The following MACROH2A1 variants were observed in gnomAD, a reference collection of about 807,000 sequenced individuals.
The protein encoded by MACROH2A1 is core histone macro-H2A.1.
In MACROH2A1, 2 loss-of-function variants were observed where a neutral mutation model predicts 31.6. The ratio of observed to expected loss-of-function variants is 0.06; its 90% CI spans 0.03 to 0.20. The LOEUF is 0.20. MACROH2A1 is among the 10% of genes least tolerant of loss of function. MACROH2A1 has a pLI of 1.00. For missense variants in MACROH2A1, 230 were observed against 474.0 expected, an observed-to-expected ratio of 0.49 and a Z score of 4.78; for synonymous variants, 169 against 189.6, an observed-to-expected ratio of 0.89 and a Z score of 0.89.
At chr5:135,390,626 T>A (rs888578599) in intron 1 of MACROH2A1, among the ~76,000 whole-genome samples, 1 of 152,170 alleles carries the variant, frequency 6.6e-6, no homozygotes, top group Admixed American at 6.6e-5. Context: ...ACTGGGCAGG[T>A]CTCCCATGTA....
chr5:135,351,064 T>C, intron 6 of MACROH2A1: 1 of 571,150 alleles, frequency 1.8e-6, no homozygotes. Context: ...TGTGCGCACA[T>C]GTGGATGGGG....
intron 2 of MACROH2A1, among the ~76,000 whole-genome samples, chr5:135,388,591 G>T (rs1175461157): frequency 6.6e-6 from 1 of 152,120 alleles, no homozygotes; most frequent in Non-Finnish European, 1.5e-5. Context: ...AATGGATCCT[G>T]GATTAGGAAA....
chr5:135,390,596 C>A (rs1039898131), intron 1 of MACROH2A1, among the ~76,000 whole-genome samples: 5 of 152,186 alleles, frequency 3.3e-5, no homozygotes, highest in Non-Finnish European at 4.4e-5. Context: ...TCCCTATGAA[C>A]ATGTTTGCTC....
Position 135,343,551 on chromosome 5 carries a change from T to C in MACROH2A1, c.779-117A>G, listed in dbSNP as rs998078453. 25 of 1,473,258 alleles carry C rather than the reference T, an allele frequency of 1.7e-5. No homozygotes were observed. In the African/African-American group the frequency reaches 3.2e-4, roughly 19 times the overall value. 91.3% of individuals were successfully genotyped at this position (1,473,258 alleles called of 1,614,324 possible). ...TATCTTCCTGGGCCCTCCAATGCCC[T>C]GTGTCCGAGGAGTTCCACAGCTGTC... On this transcript the variant is annotated intron_variant, in intron 7 of 8. Coordinates refer to ENST00000511689, the MANE Select transcript of MACROH2A1 (RefSeq NM_138610.3).
intron 7 of MACROH2A1, chr5:135,345,392 G>A (rs1373087957): frequency 6.6e-6 from 1 of 152,360 alleles, no homozygotes; most frequent in African/African-American, 2.4e-5. Context: ...CCTCCCCACT[G>A]ACTGGACTCT....
intron 5 of MACROH2A1, chr5:135,355,334 G>A: frequency 2.2e-6 from 1 of 448,388 alleles, no homozygotes; most frequent in South Asian, 1.6e-5. Context: ...TGGAAGTGCA[G>A]ACTACAGTAC....
intron 8 of MACROH2A1, among the ~76,000 whole-genome samples, chr5:135,339,366 C>A (rs900209128): frequency 6.6e-6 from 1 of 152,170 alleles, no homozygotes; most frequent in African/African-American, 2.4e-5. Context: ...CACATCCCAG[C>A]TCTTCTCAGC....
intron 8 of MACROH2A1, among the ~76,000 whole-genome samples, chr5:135,337,401 G>A (rs1202304456): frequency 6.6e-6 from 1 of 152,246 alleles, no homozygotes; most frequent in Non-Finnish European, 1.5e-5. Context: ...GAGGTCCCAA[G>A]GGGTCTCCCT....
chr5:135,371,097 T>A lies in MACROH2A1; in HGVS notation c.173-955A>T, dbSNP rs565791393. Among the ~76,000 whole-genome samples the A allele has an allele frequency of 2.9e-3, 449 of 152,344 alleles. 3 individuals are homozygous for A. The highest frequency in any genetic ancestry group is 0.01 in the Admixed American group (159 of 15,302). ...TTCCTCTTTCAAGGAAATTCTGTCA[T>A]TTGCAACAACATGGATAAACCTGGA... On this transcript the variant is annotated intron_variant, in intron 2 of 8. Transcript: ENST00000511689.
At chr5:135,350,855 G>T in intron 6 of MACROH2A1, 6 of 1,613,214 alleles carry the variant, frequency 3.7e-6, no homozygotes, top group Non-Finnish European at 5.1e-6. Context: ...GTCAGTGTTT[G>T]TCGGGTGAAC....
Position 135,334,945 on chromosome 5 carries a change from C to T in MACROH2A1, c.*31G>A, listed in dbSNP as rs760382993. ...TTTCTTTTAAACTGAAGGTGGGGTA[C>T]ATGGTGCAGCTGGTTCTGTCATTGC... On this transcript the variant is annotated 3_prime_UTR_variant, in exon 9 of 9. Coordinates refer to ENST00000511689, the MANE Select transcript of MACROH2A1 (RefSeq NM_138610.3). The T allele has an allele frequency of 6.3e-7, 1 of 1,583,644 alleles. No homozygotes were observed. The highest frequency in any genetic ancestry group is 8.6e-7 in the Non-Finnish European group (1 of 1,156,702).
intron 8 of MACROH2A1, among the ~76,000 whole-genome samples, chr5:135,341,420 C>A (rs2149722346): frequency 6.6e-6 from 1 of 152,316 alleles, no homozygotes; most frequent in African/African-American, 2.4e-5. Context: ...GCTGTTTTGC[C>A]CTTGACTGGG....
chr5:135,367,797 T>A (rs912420451), intron 4 of MACROH2A1, among the ~76,000 whole-genome samples: 1 of 152,254 alleles, frequency 6.6e-6, no homozygotes, highest in Non-Finnish European at 1.5e-5. Flanking sequence ...AATCAAAAGA[T>A]GATAGATTCA....
At chr5:135,335,632 A>AAC (rs199931406) in intron 8 of MACROH2A1, among the ~76,000 whole-genome samples, 1 of 152,108 alleles carries the variant, frequency 6.6e-6, no homozygotes, top group African/African-American at 2.4e-5. Context: ...TCCACCCTCT[A>AAC]ACACACACCA....
intron 8 of MACROH2A1, among the ~76,000 whole-genome samples, chr5:135,340,795 C>A (rs1581128244): frequency 6.6e-6 from 1 of 152,246 alleles, no homozygotes; most frequent in South Asian, 2.1e-4. Flanking sequence ...GATTTACTGG[C>A]CGGCTCTGGT....
intron 1 of MACROH2A1, among the ~76,000 whole-genome samples, chr5:135,394,308 G>A (rs1767661348): frequency 6.6e-6 from 1 of 152,128 alleles, no homozygotes; most frequent in Non-Finnish European, 1.5e-5. Flanking sequence ...TACCTTCCCT[G>A]GCAATGATCC....
chr5:135,364,985 T>G (rs937753095), intron 4 of MACROH2A1, among the ~76,000 whole-genome samples: 2 of 151,936 alleles, frequency 1.3e-5, no homozygotes, highest in African/African-American at 2.4e-5. Context: ...GGGGATAGGG[T>G]GAGGTTTGTT....
chr5:135,383,700 GGTGTGT>G (rs61338247), intron 2 of MACROH2A1, among the ~76,000 whole-genome samples: 3,749 of 137,190 alleles, frequency 0.027, 63 homozygotes, highest in Middle Eastern at 0.051. Flanking sequence ...GATGTGGTGT[GGTGTGT>G]GTGTGTGTGT....
chr5:135,339,067 T>C (rs1759318802), intron 8 of MACROH2A1, among the ~76,000 whole-genome samples: 1 of 152,044 alleles, frequency 6.6e-6, no homozygotes, highest in South Asian at 2.1e-4. Context: ...GGCCTGTGGG[T>C]TGTGTTTATG....
Sources: allele counts gnomAD v4.1 joint callset (sites outside exome capture counted in the v4.1 genomes callset), GRCh38; gene constraint gnomAD v4.1.1; transcripts MANE v1.5; gene names NCBI Gene and HGNC (gene_info 2026-07-23, HGNC 2026-07-21).